Variants in NTM observed in about 807,000 individuals in gnomAD.
NTM encodes IgLON family member 2.
Under a neutral mutation model 42.1 loss-of-function variants are expected in NTM, and 13 were observed. The observed-to-expected ratio is 0.31, with a 90% CI of 0.20 to 0.49. The LOEUF (loss-of-function observed/expected upper bound fraction) is 0.49, where lower values mean the gene tolerates loss of function less well. Among genes scored for constraint, NTM ranks in the 20% least tolerant of loss-of-function variants. The probability of loss-of-function intolerance (pLI) is 0.99; values close to 1 mark genes in which losing one functional copy is unlikely to be tolerated. For missense variants in NTM, 373 were observed against 452.8 expected (o/e 0.82, Z 1.60); for synonymous variants, 187 against 179.2 (o/e 1.04, Z -0.35).
intron 2 of NTM, among the ~76,000 whole-genome samples, chr11:132,135,189 C>T (rs2067658094): frequency 6.6e-6 from 1 of 152,154 alleles, no homozygotes; most frequent in Non-Finnish European, 1.5e-5. Flanking sequence ...GAAGGGCCCC[C>T]ACTCCCGGCT....
At chr11:132,287,543 T>A (rs1484641812) in intron 4 of NTM, among the ~76,000 whole-genome samples, 2 of 152,120 alleles carry the variant, frequency 1.3e-5, no homozygotes, top group Non-Finnish European at 2.9e-5. Flanking sequence ...TGGTTTATAT[T>A]TAAAAAATGC....
chr11:131,699,411 C>T (rs1262954986), intron 1 of NTM, among the ~76,000 whole-genome samples: 1 of 152,140 alleles, frequency 6.6e-6, no homozygotes, highest in African/African-American at 2.4e-5. Flanking sequence ...TGAGTAAGTG[C>T]TATGATAGAG....
At chr11:132,243,204 A>G (rs2090510388) in intron 4 of NTM, among the ~76,000 whole-genome samples, 1 of 152,194 alleles carries the variant, frequency 6.6e-6, no homozygotes, top group Non-Finnish European at 1.5e-5. Flanking sequence ...ATCTTTGATC[A>G]TGTTTTGAAG....
At chr11:131,441,905 A>G (rs934457673) in intron 1 of NTM, among the ~76,000 whole-genome samples, 2 of 152,194 alleles carry the variant, frequency 1.3e-5, no homozygotes, top group Non-Finnish European at 2.9e-5. Flanking sequence ...TCCAGGAGAT[A>G]GGGAAAACAC....
chr11:131,498,527 C>T (rs1242150466), intron 1 of NTM, among the ~76,000 whole-genome samples: 9 of 152,106 alleles, frequency 5.9e-5, no homozygotes, highest in Non-Finnish European at 8.8e-5. Context: ...CCTTTTCTTC[C>T]AAACATACAC....
chr11:131,641,466 C>T (rs1055069935), intron 1 of NTM, among the ~76,000 whole-genome samples: 4 of 152,190 alleles, frequency 2.6e-5, no homozygotes, highest in African/African-American at 9.7e-5. Flanking sequence ...CGACCTACCT[C>T]TACGAAGCCT....
intron 1 of NTM, among the ~76,000 whole-genome samples, chr11:131,558,432 ATAATCCTCCTGGTTTTATGATTTC>A (rs1173160035): frequency 1.1e-4 from 17 of 152,278 alleles, no homozygotes; most frequent in East Asian, 3.9e-4. Context: ...AGGGTTTTAT[ATAATCCTCCTGGTTTTATGATTTC>A]TAATCCTCCT....
At chr11:131,941,941 A>G (rs1292351673) in intron 2 of NTM, among the ~76,000 whole-genome samples, 1 of 152,090 alleles carries the variant, frequency 6.6e-6, no homozygotes, top group Non-Finnish European at 1.5e-5. Flanking sequence ...ATGGAACATC[A>G]TCTCATATTA....
chr11:131,907,357 C>T (rs1036266823), intron 1 of NTM, among the ~76,000 whole-genome samples: 4 of 152,210 alleles, frequency 2.6e-5, no homozygotes, highest in Non-Finnish European at 4.4e-5. Flanking sequence ...TGCCTGAAGT[C>T]TCCATCTACT....
chr11:132,262,383 G>A (rs2092914785), intron 4 of NTM, among the ~76,000 whole-genome samples: 1 of 152,130 alleles, frequency 6.6e-6, no homozygotes, highest in South Asian at 2.1e-4. Context: ...GACTAAGGCT[G>A]CTATAACAAA....
intron 2 of NTM, among the ~76,000 whole-genome samples, chr11:132,029,709 C>T (rs11824444): frequency 1.2e-4 from 19 of 152,144 alleles, no homozygotes; most frequent in Admixed American, 8.5e-4. Context: ...GAGTGAACAT[C>T]GGCTTATAGT....
chr11:132,171,904 T>C (rs1006320189), intron 3 of NTM, among the ~76,000 whole-genome samples: 4 of 152,232 alleles, frequency 2.6e-5, no homozygotes, highest in African/African-American at 9.6e-5. Context: ...TATTCATGCT[T>C]CTTTCTGCAA....
chr11:131,373,531 G>C (rs577655941), intron 1 of NTM, among the ~76,000 whole-genome samples: 5 of 151,806 alleles, frequency 3.3e-5, no homozygotes, highest in African/African-American at 1.2e-4. Context: ...TGACAGGAGG[G>C]GGGATTAGCT....
At chr11:131,737,938 A>G (rs1346758390) in intron 1 of NTM, among the ~76,000 whole-genome samples, 2 of 152,148 alleles carry the variant, frequency 1.3e-5, no homozygotes, top group Non-Finnish European at 2.9e-5. Context: ...TATGAAAATT[A>G]ATTTCTGGAC....
chr11:131,716,568 A>G (rs753729802), intron 1 of NTM, among the ~76,000 whole-genome samples: 2 of 152,162 alleles, frequency 1.3e-5, no homozygotes, highest in Non-Finnish European at 2.9e-5. Flanking sequence ...TGATAGTGTT[A>G]TCTCACTGTG....
chr11:132,131,968 G>C (rs2066899190), intron 2 of NTM, among the ~76,000 whole-genome samples: 1 of 152,190 alleles, frequency 6.6e-6, no homozygotes. Context: ...CCTGGCTAGA[G>C]TCCCTTCCTA....
chr11:132,005,502 A>C (rs2135358494), intron 2 of NTM, among the ~76,000 whole-genome samples: 1 of 152,294 alleles, frequency 6.6e-6, no homozygotes, highest in Non-Finnish European at 1.5e-5. Context: ...TGATTGAATG[A>C]GTGAAAGATG....
intron 1 of NTM, among the ~76,000 whole-genome samples, chr11:131,831,094 G>A (rs755204536): frequency 7.9e-5 from 12 of 152,052 alleles, no homozygotes; most frequent in Non-Finnish European, 1.5e-4. Flanking sequence ...TCTACATATG[G>A]AATCACATCA....
At chr11:131,616,778 GGTGTGT>G (rs59890572) in intron 1 of NTM, among the ~76,000 whole-genome samples, 3 of 141,980 alleles carry the variant, frequency 2.1e-5, no homozygotes, top group Non-Finnish European at 3.0e-5. Flanking sequence ...GTCTTGAGGG[GGTGTGT>G]GTGTGTGTGT....
Sources: allele counts gnomAD v4.1 joint callset (sites outside exome capture counted in the v4.1 genomes callset), GRCh38; gene constraint gnomAD v4.1.1; transcripts MANE v1.5; gene names NCBI Gene and HGNC (gene_info 2026-07-23, HGNC 2026-07-21).